PGBD5: variants seen among roughly 807,000 people sequenced by gnomAD.
The protein encoded by PGBD5 is piggyBac transposable element-derived protein 5.
A neutral mutation model predicts 47.9 loss-of-function variants in PGBD5; 14 were observed. The observed-to-expected ratio is 0.29, with a 90% CI of 0.19 to 0.46. The LOEUF is 0.46. Among genes scored for constraint, PGBD5 ranks in the 20% least tolerant of loss-of-function variants. PGBD5 has a pLI of 1.00. For missense variants in PGBD5, 635 were observed against 716.0 expected (o/e 0.89, Z 1.29); for synonymous variants, 316 against 306.3 (o/e 1.03, Z -0.33).
chr1:230,404,473 C>T (rs796581576), intron 1 of PGBD5, among the ~76,000 whole-genome samples: 11 of 151,738 alleles, frequency 7.2e-5, no homozygotes, highest in Non-Finnish European at 1.0e-4. Flanking sequence ...AGTGTGGTGG[C>T]GCGCACCTGT....
chr1:230,362,426 C>T (rs1272036430), intron 1 of PGBD5: 1 of 1,313,982 alleles, frequency 7.6e-7, no homozygotes. Context: ...CTGTGTCAGA[C>T]CTGGACCGTG....
rs1215516677 is a variant in PGBD5 at position 230,320,289 on chromosome 1, C to T, written c.*3136G>A. 1.3e-5 allele frequency: 2 copies of T among 152,184 alleles called. No homozygotes were observed. The highest frequency in any genetic ancestry group is 2.9e-5 in the Non-Finnish European group (2 of 68,046). The allele number at this position is 152,184 out of a possible 1,614,324, so 9.4% of individuals were successfully genotyped here. Reference sequence around the variant, plus strand: ...GAAGTTAAATTTGCCTAAGAAGGACCTCACGGGACGCTCAACACAACTGCA... The same window carrying T: ...GAAGTTAAATTTGCCTAAGAAGGACTTCACGGGACGCTCAACACAACTGCA... On this transcript the variant is annotated 3_prime_UTR_variant, in exon 7 of 7. Transcript: ENST00000391860.
chr1:230,379,426 T>C (rs1480539461), intron 1 of PGBD5, among the ~76,000 whole-genome samples: 1 of 152,242 alleles, frequency 6.6e-6, no homozygotes, highest in Admixed American at 6.5e-5. Flanking sequence ...AGTAGCCTGC[T>C]AATCAGACTC....
chr1:230,388,576 C>T (rs1287620837), intron 1 of PGBD5, among the ~76,000 whole-genome samples: 2 of 152,112 alleles, frequency 1.3e-5, no homozygotes, highest in African/African-American at 4.8e-5. Flanking sequence ...CCACCACACC[C>T]GGCTAATTTT....
chr1:230,354,880 A>G (rs1224573657), intron 2 of PGBD5, among the ~76,000 whole-genome samples: 1 of 152,230 alleles, frequency 6.6e-6, no homozygotes, highest in Non-Finnish European at 1.5e-5. Context: ...AAATACAGTA[A>G]AATAAAAATG....
At chr1:230,400,026 A>G (rs916490337) in intron 1 of PGBD5, among the ~76,000 whole-genome samples, 3 of 152,200 alleles carry the variant, frequency 2.0e-5, no homozygotes, top group African/African-American at 7.2e-5. Flanking sequence ...TTTGCTAAAA[A>G]TCCACCAAAG....
At chr1:230,414,560 A>T (rs898144835) in intron 1 of PGBD5, among the ~76,000 whole-genome samples, 1 of 152,200 alleles carries the variant, frequency 6.6e-6, no homozygotes, top group Non-Finnish European at 1.5e-5. Flanking sequence ...TCTTAAAGAA[A>T]AACAACTGTT....
intron 4 of PGBD5, among the ~76,000 whole-genome samples, chr1:230,335,844 CAG>C (rs1667313486): frequency 8.1e-6 from 1 of 122,912 alleles, no homozygotes; most frequent in East Asian, 2.5e-4. Flanking sequence ...CATACACACA[CAG>C]ACACACAGAT....
intron 2 of PGBD5, among the ~76,000 whole-genome samples, chr1:230,354,980 AAGCCCCAAACATGACCTGAG>A (rs1353260254): frequency 6.6e-6 from 1 of 152,156 alleles, no homozygotes; most frequent in Non-Finnish European, 1.5e-5. Context: ...AAAGGGGAAA[AAGCCCCAAACATGACCTGAG>A]AGCCCTTCCC....
At chr1:230,400,123 G>A (rs1657098107) in intron 1 of PGBD5, among the ~76,000 whole-genome samples, 1 of 152,136 alleles carries the variant, frequency 6.6e-6, no homozygotes, top group Admixed American at 6.5e-5. Flanking sequence ...GCAGCTCTCT[G>A]ACCGCCTTCC....
intron 4 of PGBD5, among the ~76,000 whole-genome samples, chr1:230,333,412 AACTTCTGC>A (rs768916443): frequency 1.3e-4 from 20 of 152,202 alleles, no homozygotes; most frequent in Non-Finnish European, 2.1e-4. Flanking sequence ...TACTTCAAGA[AACTTCTGC>A]ACTCCATAGG....
intron 1 of PGBD5, chr1:230,377,481 T>C (rs1322536420): frequency 6.2e-7 from 1 of 1,611,974 alleles, no homozygotes; most frequent in Admixed American, 1.7e-5. Context: ...GGAAGGGCCT[T>C]ACTAAGACAG....
At chr1:230,415,847 G>C (rs1431830586) in intron 1 of PGBD5, among the ~76,000 whole-genome samples, 1 of 152,160 alleles carries the variant, frequency 6.6e-6, no homozygotes, top group African/African-American at 2.4e-5. Context: ...CATATACCAT[G>C]TTCCACACTC....
At position 230,332,994 on chromosome 1, in the gene PGBD5, C is replaced by T. The variant is rs1438202784; in HGVS notation, c.1123G>A (p.Gly375Ser). 4.3e-6 allele frequency: 7 copies of T among 1,612,826 alleles called. No homozygotes were observed. Among genetic ancestry groups the T allele is most frequent in the Non-Finnish European group, 2.5e-6 (3 of 1,179,480 alleles). Residue 375 changes from glycine to serine, a missense_variant, in exon 5 of 7, where the codon GGC becomes AGC. Physicochemically the swap from Gly to Ser is moderately conservative, Grantham distance 56. Coordinates refer to ENST00000391860, the MANE Select transcript of PGBD5 (RefSeq NM_001258311.2). ...LLRARKSDCTGLPLSMLTNPA... is the reference protein window; with the variant it reads ...LLRARKSDCTSLPLSMLTNPA... The stretch of plus-strand genomic sequence containing the variant: ...TTGGTCAGCATGGACAGTGGGAGGC[C>T]GGTGCAGTCACTCTTCCGCGCGCGG...
chr1:230,419,127 A>C (rs1397005937), intron 1 of PGBD5, among the ~76,000 whole-genome samples: 1 of 152,250 alleles, frequency 6.6e-6, no homozygotes, highest in Non-Finnish European at 1.5e-5. Flanking sequence ...TTACAGTGCT[A>C]TTGACAATAG....
intron 1 of PGBD5, among the ~76,000 whole-genome samples, chr1:230,389,072 G>T (rs2102731267): frequency 6.6e-6 from 1 of 152,316 alleles, no homozygotes; most frequent in Admixed American, 6.5e-5. Context: ...AAGGTATGTG[G>T]GCCTAGCCCT....
At chr1:230,373,109 T>C (rs1571846593) in intron 1 of PGBD5, among the ~76,000 whole-genome samples, 1 of 152,204 alleles carries the variant, frequency 6.6e-6, no homozygotes, top group African/African-American at 2.4e-5. Context: ...GGCCGCTAGG[T>C]ATGGACAATG....
chr1:230,338,041 C>T (rs557924086), intron 3 of PGBD5, among the ~76,000 whole-genome samples: 11 of 152,306 alleles, frequency 7.2e-5, no homozygotes, highest in Admixed American at 3.9e-4. Context: ...TGGTGTTGGA[C>T]GACGGTAAGT....
chr1:230,393,051 G>A (rs1047047994), intron 1 of PGBD5, among the ~76,000 whole-genome samples: 1 of 150,060 alleles, frequency 6.7e-6, no homozygotes, highest in Non-Finnish European at 1.5e-5. Context: ...AAGGAAAAGA[G>A]GAGAGGGATA....
Sources: gnomAD v4.1 joint callset for allele counts (sites outside exome capture counted in the v4.1 genomes callset) on GRCh38, gnomAD v4.1.1 for gene constraint, MANE v1.5 for transcripts, NCBI Gene and HGNC (gene_info 2026-07-23, HGNC 2026-07-21) for gene names.